Variants in ZNF451 observed in about 807,000 individuals in gnomAD.
ZNF451 encodes the protein zinc finger protein 451, also known as E3 SUMO-protein ligase ZNF451.
A neutral mutation model predicts 107.1 loss-of-function variants in ZNF451; 80 were observed. The ratio of observed to expected loss-of-function variants is 0.75; its 90% CI spans 0.62 to 0.90. The LOEUF (loss-of-function observed/expected upper bound fraction) is 0.90, where lower values mean the gene tolerates loss of function less well. Among genes scored for constraint, ZNF451 ranks in the 40% least tolerant of loss-of-function variants. The pLI is 0.00. For missense variants in ZNF451, 1,107 were observed against 1,236.2 expected (o/e 0.90, Z 1.57); for synonymous variants, 362 against 406.5 (o/e 0.89, Z 1.32).
chr6:57,160,852 G>A (rs1238756651), intron 13 of ZNF451: 1 of 366,488 alleles, frequency 2.7e-6, no homozygotes, highest in Admixed American at 4.7e-5. Flanking sequence ...AAAACCTATG[G>A]TGTTATCTCC....
rs932629215 is a variant in ZNF451, at chr6:57,109,669, C to G, written c.186+10528C>G. On this transcript the variant is annotated intron_variant, in intron 3 of 14. Coordinates refer to ENST00000370706, the MANE Select transcript of ZNF451 (RefSeq NM_001031623.3). ...TTTATGATTTTTTAAGGCTGTCTTA[C>G]AAGCCTAACAGTGTACTAAGTCATT... is the stretch of plus-strand genomic sequence containing the variant. 2.4e-5 allele frequency: 24 copies of G among 983,508 alleles called. No individual in the cohort carries two copies. In the East Asian group the frequency reaches 4.5e-4, roughly 19 times the overall value. The allele number at this position is 983,508 out of a possible 1,614,324, so 60.9% of individuals were successfully genotyped here.
chr6:57,134,050 A>G (rs1206971049), intron 6 of ZNF451: 1 of 152,258 alleles, frequency 6.6e-6, no homozygotes, highest in African/African-American at 2.4e-5. Context: ...TCGACTCCCC[A>G]TAGCCTCCCT....
chr6:57,091,644 A>T (rs1278053002), intron 2 of ZNF451, among the ~76,000 whole-genome samples: 1 of 152,190 alleles, frequency 6.6e-6, no homozygotes, highest in East Asian at 1.9e-4. Flanking sequence ...ATTTTCTTCC[A>T]TAATTATTGG....
chr6:57,119,358 C>T (rs1319921066), intron 3 of ZNF451, among the ~76,000 whole-genome samples: 1 of 152,124 alleles, frequency 6.6e-6, no homozygotes, highest in Non-Finnish European at 1.5e-5. Flanking sequence ...GAAACCCCAT[C>T]TTTACTAAAA....
chr6:57,138,704 C>CATATAT lies in ZNF451; in HGVS notation c.703-2565_703-2560dup, dbSNP rs60629541. Among the ~76,000 whole-genome samples the CATATAT allele has an allele frequency of 3.3e-3, 143 of 43,772 alleles. 1 individual carries two copies. The highest frequency in any genetic ancestry group is 0.013 in the South Asian group (9 of 710). The allele number at this position is 43,772 out of a possible 152,430, so 28.7% of individuals were successfully genotyped here. A position where few individuals can be genotyped will look rare whatever the true frequency, so the allele number is the denominator to read the frequency against. ...TTGTAGAATGTATTTGCAGCTATGCCATATATATATATATATATATATATA... is the reference window on the plus strand; with the variant it reads ...TTGTAGAATGTATTTGCAGCTATGCCATATATATATATATATATATATATATATATA... On this transcript the variant is annotated intron_variant, in intron 7 of 14. Coordinates refer to ENST00000370706, the MANE Select transcript of ZNF451 (RefSeq NM_001031623.3).
At chr6:57,123,523 A>G (rs1830745591) in intron 3 of ZNF451, among the ~76,000 whole-genome samples, 1 of 152,094 alleles carries the variant, frequency 6.6e-6, no homozygotes, top group African/African-American at 2.4e-5. Context: ...AGAGAGAGAG[A>G]GGGTAGGGGG....
At chr6:57,129,905 A>G (rs1831104094) in intron 5 of ZNF451, among the ~76,000 whole-genome samples, 1 of 152,138 alleles carries the variant, frequency 6.6e-6, no homozygotes, top group Admixed American at 6.6e-5. Flanking sequence ...ATTGTATATC[A>G]TGTCCAATTA....
chr6:57,125,846 C>A (rs573400508), intron 4 of ZNF451, among the ~76,000 whole-genome samples: 71 of 152,190 alleles, frequency 4.7e-4, no homozygotes, highest in Non-Finnish European at 9.3e-4. Context: ...TATACACACA[C>A]ACATACACAT....
At chr6:57,108,926 G>C in intron 3 of ZNF451, 1 of 985,402 alleles carries the variant, frequency 1.0e-6, no homozygotes, top group Non-Finnish European at 1.2e-6. Flanking sequence ...ACTTTTTCCA[G>C]TCTCAATTCA....
At chr6:57,167,871 A>G (rs1180980457) in intron 14 of ZNF451, among the ~76,000 whole-genome samples, 1 of 152,260 alleles carries the variant, frequency 6.6e-6, no homozygotes, top group Admixed American at 6.5e-5. Context: ...ATGAGTTTAC[A>G]TACATCTGCA....
At chr6:57,128,226 T>C (rs1414334253) in intron 4 of ZNF451, among the ~76,000 whole-genome samples, 2 of 152,152 alleles carry the variant, frequency 1.3e-5, no homozygotes, top group Non-Finnish European at 2.9e-5. Flanking sequence ...AAACAATACA[T>C]AAAACTTTAA....
chr6:57,168,285 C>T (rs1763988872), intron 14 of ZNF451, 138 bp from the exon 15 acceptor site: 2 of 563,436 alleles, frequency 3.5e-6, no homozygotes, highest in East Asian at 6.4e-5. Flanking sequence ...AGTAGAGAAA[C>T]TGCCAAGTTA....
At chr6:57,141,860 A>G (rs994960164) in intron 8 of ZNF451, 88 bp from the exon 9 acceptor site, 7 of 1,153,992 alleles carry the variant, frequency 6.1e-6, no homozygotes, top group Non-Finnish European at 7.3e-6. Context: ...ACTTACTCCA[A>G]CTAATGTTGA....
intron 3 of ZNF451, among the ~76,000 whole-genome samples, chr6:57,117,756 TTAAAG>T (rs1830441231): frequency 2.0e-5 from 3 of 152,184 alleles, no homozygotes; most frequent in Admixed American, 2.0e-4. Flanking sequence ...TTAGTATGCT[TTAAAG>T]TAAACATTAA....
In ZNF451 at chr6:57,152,360, T is replaced by C. The variant is rs371524774; in HGVS notation, c.2883+9T>C. The stretch of plus-strand genomic sequence containing the variant: ...TTGCCATATGTATGCATGTGAGTCA[T>C]TGTTTTATTCAAAATCTAATGTGAA... On this transcript the variant is annotated intron_variant, in intron 12 of 14. Transcript: ENST00000370706. The C allele has an allele frequency of 1.9e-6, 3 of 1,611,530 alleles. No individual in the cohort carries two copies. Among genetic ancestry groups the C allele is most frequent in the African/African-American group, 2.7e-5 (2 of 74,796 alleles).
In ZNF451 at chr6:57,130,952, T is replaced by C. The variant is rs575594477; in HGVS notation, c.425-2090T>C. Among the ~76,000 whole-genome samples the C allele has an allele frequency of 2.2e-4, 34 of 152,250 alleles. No homozygotes were observed. The East Asian group carries it at 6.4e-3, about 29-fold the overall frequency. On this transcript the variant is annotated intron_variant, in intron 5 of 14. Transcript: ENST00000370706. ...GTTTGGAATCTATTGCTTGAACAGC[T>C]GTGTAGTATTGGGCTATATTTGGTA...
Position 57,152,326 on chromosome 6 carries a change from C to A in ZNF451, c.2858C>A (p.Ala953Asp). ...CCTCGCTGTAGTAAAAGAAAAGATG[C>A]TGCTGATTTTGCCATATGTATGCAT... Reference protein sequence around the residue: ...LHPRCSKRKDAADFAICMHAG... With the variant: ...LHPRCSKRKDDADFAICMHAG... Residue 953 changes from alanine (A) to aspartate (D), a missense_variant, in exon 12 of 15, where the codon GCT (alanine) becomes GAT (aspartate). Around this residue, in one of 5 missense-constraint regions of ZNF451, gnomAD observed 151 missense variants for 173.3 expected, o/e 0.87. Coordinates refer to ENST00000370706, the MANE Select transcript of ZNF451 (RefSeq NM_001031623.3). 1 of 1,614,024 alleles carries A rather than the reference C, an allele frequency of 6.2e-7. No individual in the cohort carries two copies. The highest frequency in any genetic ancestry group is 8.5e-7 in the Non-Finnish European group (1 of 1,179,992).
chr6:57,132,205 A>T (rs1831209242), intron 5 of ZNF451, among the ~76,000 whole-genome samples: 1 of 152,180 alleles, frequency 6.6e-6, no homozygotes, highest in Non-Finnish European at 1.5e-5. Flanking sequence ...GTTATCCCTT[A>T]CACTTGTATT....
At chr6:57,138,721 A>ATG (rs1739012670) in intron 7 of ZNF451, among the ~76,000 whole-genome samples, 1 of 115,658 alleles carries the variant, frequency 8.6e-6, no homozygotes, top group Non-Finnish European at 1.8e-5. Flanking sequence ...ATATATATAT[A>ATG]TATATATATA....
Sources: allele counts gnomAD v4.1 joint callset (sites outside exome capture counted in the v4.1 genomes callset), GRCh38; gene constraint gnomAD v4.1.1; regional missense constraint gnomAD v4.1.1; transcripts MANE v1.5; gene names NCBI Gene and HGNC (gene_info 2026-07-23, HGNC 2026-07-21).